MACC1: variants seen among roughly 807,000 people sequenced by gnomAD.
The protein encoded by MACC1 is MET transcriptional regulator MACC1, also known as metastasis-associated in colon cancer protein 1.
A neutral mutation model predicts 70.7 loss-of-function variants in MACC1; 79 were observed. The observed-to-expected ratio is 1.12, with a 90% CI of 0.93 to 1.35. MACC1 has a LOEUF of 1.35. Among genes scored for constraint, MACC1 ranks in the 40% most tolerant of loss-of-function variants. The pLI is 0.00. For missense variants in MACC1, 1,106 were observed against 978.1 expected, an observed-to-expected ratio of 1.13 and a Z score of -1.74; for synonymous variants, 361 against 347.2, an observed-to-expected ratio of 1.04 and a Z score of -0.44.
At position 20,212,087 on chromosome 7, in the gene MACC1, A is replaced by T. The variant is rs555320949; in HGVS notation, c.-218+5212T>A. ...AAGAATAAAAACATACACTGCAGTGATATCGACAAAGATAGGATAGTGGTA... is the reference window on the plus strand; with the variant it reads ...AAGAATAAAAACATACACTGCAGTGTTATCGACAAAGATAGGATAGTGGTA... On this transcript the variant is annotated intron_variant, in intron 1 of 6. Transcript: ENST00000400331. 7.2e-5 allele frequency among the ~76,000 whole-genome samples: 11 copies of T among 152,354 alleles called. No homozygotes were observed. In the East Asian group the frequency reaches 2.1e-3, roughly 29 times the overall value.
chr7:20,190,626 C>A (rs1045700096), intron 1 of MACC1, among the ~76,000 whole-genome samples: 8 of 152,150 alleles, frequency 5.3e-5, no homozygotes, highest in African/African-American at 1.9e-4. Flanking sequence ...TGGAGCAGTT[C>A]ATGGCTTTAA....
intron 6 of MACC1, among the ~76,000 whole-genome samples, chr7:20,151,015 T>A (rs1781967994): frequency 6.8e-6 from 1 of 148,044 alleles, no homozygotes; most frequent in Non-Finnish European, 1.5e-5. Context: ...GCCATTGCAC[T>A]CCAGCCTGGG....
rs1781710470 is a variant in MACC1 at position 20,135,714 on chromosome 7, C to G, written c.*5232G>C. ...ATGATTGCCTGGTCTAAGGCCTTGA[C>G]AATGAGACTGGAGCATGTTTGGCAG... On this transcript the variant is annotated 3_prime_UTR_variant, in exon 7 of 7. Coordinates refer to ENST00000400331, the MANE Select transcript of MACC1 (RefSeq NM_182762.4). The G allele has an allele frequency of 6.6e-6, 1 of 152,206 alleles. No individual in the cohort carries two copies. The highest frequency in any genetic ancestry group is 1.5e-5 in the Non-Finnish European group (1 of 68,058). The allele number at this position is 152,206 out of a possible 1,614,324, so 9.4% of individuals were successfully genotyped here.
At chr7:20,181,926 T>A (rs550704443) in intron 1 of MACC1, among the ~76,000 whole-genome samples, 1 of 151,528 alleles carries the variant, frequency 6.6e-6, no homozygotes, top group Non-Finnish European at 1.5e-5. Context: ...GTCTAGGAGG[T>A]CAAATAAAAG....
At chr7:20,151,054 G>GAAA (rs58699284) in intron 6 of MACC1, among the ~76,000 whole-genome samples, 1 of 99,466 alleles carries the variant, frequency 1.0e-5, no homozygotes. Context: ...TCTCAAAGGA[G>GAAA]AAAAAAAAAA....
At chr7:20,204,994 T>C (rs146655671) in intron 1 of MACC1, among the ~76,000 whole-genome samples, 20 of 152,328 alleles carry the variant, frequency 1.3e-4, no homozygotes, top group African/African-American at 4.3e-4. Flanking sequence ...TATAATTAAA[T>C]TTAGATACCA....
chr7:20,154,631 GATA>G (rs755317203), intron 5 of MACC1, among the ~76,000 whole-genome samples: 32 of 152,088 alleles, frequency 2.1e-4, no homozygotes, highest in Admixed American at 5.9e-4. Flanking sequence ...TAGGACCTTG[GATA>G]AACCACTTAA....
chr7:20,191,875 G>C (rs1487742875), intron 1 of MACC1, among the ~76,000 whole-genome samples: 1 of 152,204 alleles, frequency 6.6e-6, no homozygotes, highest in Non-Finnish European at 1.5e-5. Context: ...CACACCTACT[G>C]TCTTCAATGC....
intron 1 of MACC1, among the ~76,000 whole-genome samples, chr7:20,191,364 G>C (rs1287532274): frequency 3.3e-5 from 5 of 152,168 alleles, no homozygotes; most frequent in Admixed American, 6.5e-5. Flanking sequence ...ATGTTAGTTT[G>C]GGGAGCATGG....
intron 1 of MACC1, among the ~76,000 whole-genome samples, chr7:20,183,909 T>C (rs1338440379): frequency 6.6e-6 from 1 of 152,092 alleles, no homozygotes; most frequent in Non-Finnish European, 1.5e-5. Flanking sequence ...GGTTTCACCA[T>C]ATTGGCCAGG....
intron 2 of MACC1, among the ~76,000 whole-genome samples, chr7:20,169,754 A>G (rs1402114232): frequency 6.6e-6 from 1 of 152,220 alleles, no homozygotes; most frequent in Non-Finnish European, 1.5e-5. Context: ...TCTACTTATC[A>G]TCTGTAAAGA....
chr7:20,186,361 T>C (rs1333972552), intron 1 of MACC1, among the ~76,000 whole-genome samples: 1 of 152,196 alleles, frequency 6.6e-6, no homozygotes, highest in Non-Finnish European at 1.5e-5. Context: ...AATAATATGT[T>C]TACTAACTCA....
chr7:20,195,241 C>T (rs1014934391), intron 1 of MACC1, among the ~76,000 whole-genome samples: 11 of 152,058 alleles, frequency 7.2e-5, no homozygotes, highest in African/African-American at 1.9e-4. Flanking sequence ...TCTTCCAACC[C>T]GCCGTACCTT....
chr7:20,208,657 A>G (rs1456421927), intron 1 of MACC1, among the ~76,000 whole-genome samples: 1 of 152,256 alleles, frequency 6.6e-6, no homozygotes, highest in African/African-American at 2.4e-5. Flanking sequence ...TGTGATAAAA[A>G]AGAAAAACTC....
intron 1 of MACC1, among the ~76,000 whole-genome samples, chr7:20,171,097 C>T (rs1469397475): frequency 1.3e-5 from 2 of 152,060 alleles, no homozygotes; most frequent in Admixed American, 6.5e-5. Context: ...AATGCGCATA[C>T]ATGTGTGCAT....
chr7:20,170,631 G>A (rs1196104787), intron 2 of MACC1, 83 bp downstream of exon 2: 2 of 152,216 alleles, frequency 1.3e-5, no homozygotes, highest in African/African-American at 2.4e-5. Context: ...CACTTGCTGA[G>A]TTGTTACTGT....
At position 20,140,802 on chromosome 7, in the gene MACC1, TACACACACACAC is replaced by T; in HGVS notation, c.*132_*143del. 1 of 456,380 alleles carries T rather than the reference TACACACACACAC, an allele frequency of 2.2e-6. No homozygotes were observed. Among genetic ancestry groups the T allele is most frequent in the South Asian group, 6.0e-5 (1 of 16,616 alleles). 28.3% of individuals were successfully genotyped at this position (456,380 alleles called of 1,614,324 possible). A position where few individuals can be genotyped will look rare whatever the true frequency, so the allele number is the denominator to read the frequency against. ...TGCTTTTCTGAGATTCTTTCTTTCC[TACACACACACAC>T]ACACACACACAGACACACACACACA... On this transcript the variant is annotated 3_prime_UTR_variant, in exon 7 of 7. Coordinates refer to ENST00000400331, the MANE Select transcript of MACC1 (RefSeq NM_182762.4).
chr7:20,164,863 A>G (rs1009854275), intron 2 of MACC1, among the ~76,000 whole-genome samples: 15 of 150,354 alleles, frequency 1.0e-4, no homozygotes, highest in African/African-American at 3.7e-4. Context: ...ATATATTCTT[A>G]AAAAATCAAC....
At chr7:20,154,513 A>G in intron 5 of MACC1, 132 bp from the exon 6 acceptor site, 1 of 919,560 alleles carries the variant, frequency 1.1e-6, no homozygotes. Flanking sequence ...CGAGTTTTCT[A>G]AAGCTCAAGG....
Sources: allele counts gnomAD v4.1 joint callset (sites outside exome capture counted in the v4.1 genomes callset), GRCh38; gene constraint gnomAD v4.1.1; transcripts MANE v1.5; gene names NCBI Gene and HGNC (gene_info 2026-07-23, HGNC 2026-07-21).